Variants in NPTN observed in about 807,000 individuals in gnomAD.
NPTN encodes SDR-1.
NPTN carries 5 observed loss-of-function variants against 42.7 expected under a neutral mutation model. That is an observed-to-expected ratio of 0.12 (90% CI 0.06 to 0.25). The LOEUF (loss-of-function observed/expected upper bound fraction) is 0.25, where lower values mean the gene tolerates loss of function less well. Ranked by LOEUF, NPTN falls within the 10% of genes least tolerant of loss-of-function variation. The pLI, the probability that NPTN is intolerant of heterozygous loss-of-function variation, is 1.00. For synonymous variants in NPTN, 180 were observed against 201.9 expected, an observed-to-expected ratio of 0.89 and a Z score of 0.92; for missense variants, 307 against 525.4, an observed-to-expected ratio of 0.58 and a Z score of 4.06.
intron 1 of NPTN, among the ~76,000 whole-genome samples, chr15:73,598,621 A>G (rs1159928185): frequency 4.6e-5 from 7 of 152,172 alleles, no homozygotes; most frequent in East Asian, 3.9e-4. Context: ...ATCCGAAGGT[A>G]TAAAGAGAGA....
At chr15:73,583,385 C>T (rs28556740) in intron 4 of NPTN, among the ~76,000 whole-genome samples, 2,301 of 152,246 alleles carry the variant, frequency 0.015, 80 homozygotes, top group African/African-American at 0.052. Context: ...AACTCTGTGA[C>T]ACTGGGCCAG....
chr15:73,580,805 G>C (rs982308812), intron 4 of NPTN, among the ~76,000 whole-genome samples: 6 of 151,838 alleles, frequency 4.0e-5, no homozygotes, highest in Non-Finnish European at 8.8e-5. Flanking sequence ...ACTTTACTCT[G>C]TATTAGTGTA....
At chr15:73,633,072 C>T (rs1438398457) in intron 1 of NPTN, 53 bp downstream of exon 1, 10 of 1,256,440 alleles carry the variant, frequency 8.0e-6, no homozygotes, top group East Asian at 3.1e-5. Flanking sequence ...GGGCCCCCTC[C>T]GGCCCCGGCG....
intron 4 of NPTN, among the ~76,000 whole-genome samples, chr15:73,581,456 G>C (rs192129668): frequency 6.6e-6 from 1 of 152,294 alleles, no homozygotes; most frequent in Non-Finnish European, 1.5e-5. Context: ...ATCCACTCAG[G>C]AATTCATTCA....
At chr15:73,603,308 C>A (rs886763472) in intron 1 of NPTN, among the ~76,000 whole-genome samples, 2 of 152,210 alleles carry the variant, frequency 1.3e-5, no homozygotes, top group Non-Finnish European at 2.9e-5. Context: ...CGGGCAGCAG[C>A]CTGCAGCACT....
intron 6 of NPTN, 40 bp from the exon 7 acceptor site, chr15:73,563,297 AGAG>A (rs1566954982): frequency 1.2e-6 from 2 of 1,610,434 alleles, no homozygotes; most frequent in Non-Finnish European, 1.7e-6. Flanking sequence ...ATGAGAGATA[AGAG>A]AAGAAAGGAG....
intron 1 of NPTN, among the ~76,000 whole-genome samples, chr15:73,615,805 T>C (rs1006230732): frequency 2.0e-5 from 3 of 152,174 alleles, no homozygotes; most frequent in Non-Finnish European, 4.4e-5. Flanking sequence ...TTCCAGTTCT[T>C]ACTGACAGAT....
At chr15:73,564,210 G>A (rs764127445) in intron 6 of NPTN, among the ~76,000 whole-genome samples, 2 of 152,186 alleles carry the variant, frequency 1.3e-5, no homozygotes, top group African/African-American at 2.4e-5. Flanking sequence ...CTCTTAGTTT[G>A]TTTTTATTAT....
intron 1 of NPTN, among the ~76,000 whole-genome samples, chr15:73,616,396 T>C (rs765935328): frequency 5.3e-5 from 8 of 152,160 alleles, no homozygotes; most frequent in Non-Finnish European, 8.8e-5. Context: ...ACAAACTTTC[T>C]GCAGCTAAAG....
intron 2 of NPTN, among the ~76,000 whole-genome samples, chr15:73,594,641 C>G (rs1195591339): frequency 6.6e-6 from 1 of 152,120 alleles, no homozygotes; most frequent in African/African-American, 2.4e-5. Context: ...AAGCGCTGCC[C>G]AAAGTCCAAG....
intron 1 of NPTN, among the ~76,000 whole-genome samples, chr15:73,628,955 C>T (rs1048987401): frequency 6.6e-6 from 1 of 152,176 alleles, no homozygotes; most frequent in Non-Finnish European, 1.5e-5. Context: ...CGAAGTCAGA[C>T]CTGTAATGAA....
chr15:73,585,775 C>T (rs974414021), intron 4 of NPTN, among the ~76,000 whole-genome samples: 4 of 152,188 alleles, frequency 2.6e-5, no homozygotes, highest in Non-Finnish European at 5.9e-5. Flanking sequence ...TACCACCTGC[C>T]TCACCTTCCA....
In NPTN at chr15:73,622,625, T is replaced by C. The variant is rs142856232; in HGVS notation, c.91+10500A>G. ...GTAGCTGAACTGAAGAAAACACATA[T>C]AGAAATGTGAGGTTATCAAAATAAA... On this transcript the variant is annotated intron_variant, in intron 1 of 8. Transcript: ENST00000345330. Among the ~76,000 whole-genome samples the C allele has an allele frequency of 1.7e-3, 257 of 151,772 alleles. 3 individuals are homozygous for C. The East Asian group carries it at 0.04, about 24-fold the overall frequency.
chr15:73,622,236 C>T (rs1898169434), intron 1 of NPTN, among the ~76,000 whole-genome samples: 1 of 152,158 alleles, frequency 6.6e-6, no homozygotes, highest in African/African-American at 2.4e-5. Flanking sequence ...CTTTCTGACT[C>T]TCTAAATCAG....
intron 5 of NPTN, among the ~76,000 whole-genome samples, chr15:73,573,093 AG>A (rs1895500200): frequency 6.6e-6 from 1 of 152,208 alleles, no homozygotes; most frequent in South Asian, 2.1e-4. Flanking sequence ...AGAAATAAAC[AG>A]CAACTGCAGT....
At chr15:73,567,525 G>A (rs1164065655) in intron 6 of NPTN, 2 of 985,346 alleles carry the variant, frequency 2.0e-6, no homozygotes, top group Non-Finnish European at 2.4e-6. Flanking sequence ...AAGCAGACAG[G>A]TAAGTTTGTC....
intron 1 of NPTN, among the ~76,000 whole-genome samples, chr15:73,616,781 G>A (rs1897884153): frequency 6.6e-6 from 1 of 152,182 alleles, no homozygotes; most frequent in Admixed American, 6.5e-5. Context: ...ATTGCTGCTT[G>A]TCTTGAAAAG....
At chr15:73,610,469 C>T (rs1057261820) in intron 1 of NPTN, among the ~76,000 whole-genome samples, 1 of 152,112 alleles carries the variant, frequency 6.6e-6, no homozygotes, top group African/African-American at 2.4e-5. Context: ...GTTTAAATTA[C>T]CATTCCTGGG....
chr15:73,568,224 T>C, intron 6 of NPTN: 1 of 985,480 alleles, frequency 1.0e-6, no homozygotes, highest in African/African-American at 1.7e-5. Flanking sequence ...ATAAGCGCGG[T>C]GACTTCTTAG....
Sources: gnomAD v4.1 joint callset for allele counts (sites outside exome capture counted in the v4.1 genomes callset) on GRCh38, gnomAD v4.1.1 for gene constraint, MANE v1.5 for transcripts, NCBI Gene and HGNC (gene_info 2026-07-23, HGNC 2026-07-21) for gene names.